CSTPP1: variants seen among roughly 807,000 people sequenced by gnomAD.
CSTPP1 encodes the protein centriolar satellite-associated tubulin polyglutamylase complex regulator 1.
the CSTPP1 span, among the ~76,000 whole-genome samples, chr11:46,978,300 G>A: frequency 6.6e-6 from 1 of 152,174 alleles, no homozygotes; most frequent in African/African-American, 2.4e-5. Context: ...TTTGGGAAAA[G>A]GGAAGATCAC....
At chr11:47,066,382 A>T in the CSTPP1 span, among the ~76,000 whole-genome samples, 1 of 151,612 alleles carries the variant, frequency 6.6e-6, no homozygotes, top group African/African-American at 2.4e-5. Context: ...TCTACCACAG[A>T]TGTATGTGTT....
chr11:47,019,653 G>A, the CSTPP1 span, among the ~76,000 whole-genome samples: 1 of 152,158 alleles, frequency 6.6e-6, no homozygotes, highest in African/African-American at 2.4e-5. Flanking sequence ...CTATATGGAT[G>A]TGGTTTGTGG....
chr11:46,943,381 A>G, the CSTPP1 span, among the ~76,000 whole-genome samples: 1 of 152,246 alleles, frequency 6.6e-6, no homozygotes, highest in Admixed American at 6.5e-5. Context: ...TGAAGTCCAC[A>G]TGGTTAAACT....
chr11:47,084,154 T>C, the CSTPP1 span, among the ~76,000 whole-genome samples: 4 of 152,236 alleles, frequency 2.6e-5, no homozygotes, highest in Non-Finnish European at 4.4e-5. Context: ...ATTTCCCTGA[T>C]GACTAATGAT....
At chr11:46,960,294 C>T in the CSTPP1 span, among the ~76,000 whole-genome samples, 15 of 152,214 alleles carry the variant, frequency 9.9e-5, no homozygotes, top group South Asian at 1.5e-3. Context: ...CTATGCATGA[C>T]GCCACAATGC....
At chr11:47,157,721 T>C in the CSTPP1 span, 1 of 1,265,440 alleles carries the variant, frequency 7.9e-7, no homozygotes, top group Admixed American at 1.9e-5. Flanking sequence ...GTCCCTGGCT[T>C]GGCTGTGGGT....
At chr11:47,102,565 AT>A in the CSTPP1 span, among the ~76,000 whole-genome samples, 1 of 152,162 alleles carries the variant, frequency 6.6e-6, no homozygotes, top group Admixed American at 6.5e-5. Context: ...TGATATCAAA[AT>A]TTCATGGGGA....
chr11:47,142,389 C>T, the CSTPP1 span, among the ~76,000 whole-genome samples: 3 of 152,056 alleles, frequency 2.0e-5, no homozygotes, highest in East Asian at 5.8e-4. Context: ...CATGGTTCAT[C>T]CATCTTGCTG....
the CSTPP1 span, among the ~76,000 whole-genome samples, chr11:47,016,350 T>C: frequency 3.1e-5 from 4 of 130,288 alleles, no homozygotes; most frequent in African/African-American, 1.2e-4. Context: ...TTTGTTCACA[T>C]AGGACATGAT....
the CSTPP1 span, among the ~76,000 whole-genome samples, chr11:46,950,613 TC>T: frequency 2.4e-3 from 371 of 152,110 alleles, 1 homozygote; most frequent in African/African-American, 8.1e-3. Context: ...TTTTCTTTTT[TC>T]CTTTTTTCTT....
At chr11:47,119,099 C>T in the CSTPP1 span, among the ~76,000 whole-genome samples, 2 of 151,634 alleles carry the variant, frequency 1.3e-5, no homozygotes, top group African/African-American at 2.4e-5. Flanking sequence ...TGTAGAGCTG[C>T]GGTGGGCTCC....
chr11:47,161,045 G>A, the CSTPP1 span: 47 of 1,570,668 alleles, frequency 3.0e-5, no homozygotes, highest in South Asian at 2.7e-4. Context: ...ACAGGCAGCC[G>A]TGAAGGTGAG....
chr11:47,157,798 A>T, the CSTPP1 span: 2 of 1,611,402 alleles, frequency 1.2e-6, no homozygotes, highest in African/African-American at 1.3e-5. Context: ...TGAATGTGGC[A>T]TCTCTCCTTC....
the CSTPP1 span, among the ~76,000 whole-genome samples, chr11:47,141,985 C>A: frequency 1.3e-5 from 2 of 149,974 alleles, no homozygotes; most frequent in Non-Finnish European, 3.0e-5. Flanking sequence ...TGGCTTACGC[C>A]TGTAATCCCA....
chr11:47,075,718 C>T, the CSTPP1 span, among the ~76,000 whole-genome samples: 6 of 151,624 alleles, frequency 4.0e-5, no homozygotes, highest in African/African-American at 4.8e-5. Context: ...CAGGAGCTTG[C>T]GACCAGCCTG....
At chr11:47,134,951 T>A in the CSTPP1 span, among the ~76,000 whole-genome samples, 2 of 151,942 alleles carry the variant, frequency 1.3e-5, no homozygotes, top group Non-Finnish European at 2.9e-5. Context: ...TCTACAAAAA[T>A]TTTTTAAATG....
At chr11:47,017,717 G>A in the CSTPP1 span, among the ~76,000 whole-genome samples, 1 of 151,120 alleles carries the variant, frequency 6.6e-6, no homozygotes, top group East Asian at 1.9e-4. Context: ...GCCCAGGCTG[G>A]GGTGCAGTGG....
the CSTPP1 span, among the ~76,000 whole-genome samples, chr11:47,007,275 C>G: frequency 6.6e-6 from 1 of 151,998 alleles, no homozygotes; most frequent in African/African-American, 2.4e-5. Context: ...AAATGATCTG[C>G]CTGCCTCGGC....
At chr11:47,016,839 CTT>C in the CSTPP1 span, among the ~76,000 whole-genome samples, 9 of 99,824 alleles carry the variant, frequency 9.0e-5, no homozygotes, top group African/African-American at 3.2e-4. Context: ...TCATTTAGTA[CTT>C]TTTTTTTTTT....
Sources: gnomAD v4.1 joint callset for allele counts (sites outside exome capture counted in the v4.1 genomes callset) on GRCh38, gnomAD v4.1.1 for gene constraint, MANE v1.5 for transcripts, NCBI Gene and HGNC (gene_info 2026-07-23, HGNC 2026-07-21) for gene names.